Variants in MGAT4B observed in about 807,000 individuals in gnomAD.
MGAT4B encodes alpha-1,3-mannosyl-glycoprotein 4-beta-N-acetylglucosaminyltransferase B.
A neutral mutation model predicts 73.9 loss-of-function variants in MGAT4B; 38 were observed. That is an observed-to-expected ratio of 0.51 (90% confidence interval 0.40 to 0.67). The LOEUF is 0.67. Among genes scored for constraint, MGAT4B ranks in the 30% least tolerant of loss-of-function variants. The probability of loss-of-function intolerance (pLI) is 0.00; values close to 1 mark genes in which losing one functional copy is unlikely to be tolerated. For missense variants in MGAT4B, 686 were observed against 735.2 expected (o/e 0.93, Z 0.77); for synonymous variants, 373 against 313.5 (o/e 1.19, Z -2.01).
rs778612777 is a variant in MGAT4B, at chr5:179,800,995, C to A, written c.559-42G>T. ...CACCCTCCCTTAGCCCTGCTGCTGC[C>A]CCAAAAGGCCTGGAAGGGCTTGGAG... On this transcript the variant is annotated intron_variant, in intron 4 of 14. Transcript: ENST00000292591. 3 of 1,608,570 alleles carry A rather than the reference C, an allele frequency of 1.9e-6. No homozygotes were observed. In the South Asian group the frequency reaches 3.3e-5, roughly 18 times the overall value.
chr5:179,798,044 C>T lies in MGAT4B; in HGVS notation c.*1G>A. Reference sequence around the variant, plus strand: ...ACAGGGTACCCTCAGAAGCCCGCAGCTTAGTCGGCCTTTTTCAGGAAGATC... The same window carrying T: ...ACAGGGTACCCTCAGAAGCCCGCAGTTTAGTCGGCCTTTTTCAGGAAGATC... On this transcript the variant is annotated 3_prime_UTR_variant, in exon 15 of 15. Transcript: ENST00000292591. The T allele has an allele frequency of 6.2e-7, 1 of 1,608,434 alleles. No homozygotes were observed. Among genetic ancestry groups the T allele is most frequent in the Non-Finnish European group, 8.5e-7 (1 of 1,178,132 alleles).
Position 179,800,887 on chromosome 5 carries a change from C to G in MGAT4B, c.605+20G>C, listed in dbSNP as rs777066095. 8 of 1,612,970 alleles carry G rather than the reference C, an allele frequency of 5.0e-6. No homozygotes were observed. The highest frequency in any genetic ancestry group is 1.1e-5 in the South Asian group (1 of 91,076). On this transcript the variant is annotated intron_variant, in intron 5 of 14. Transcript: ENST00000292591. Reference sequence around the variant, plus strand: ...ACCGAGCTCTCCCGCCACCAGCTCTCTGGGGTCGCCAGTACTCACAAGGCC... The same window carrying G: ...ACCGAGCTCTCCCGCCACCAGCTCTGTGGGGTCGCCAGTACTCACAAGGCC...
In MGAT4B at chr5:179,799,055, T is replaced by C; in HGVS notation, c.1216A>G (p.Ser406Gly). 6.2e-7 allele frequency: 1 copy of C among 1,613,996 alleles called. No homozygotes were observed. The highest frequency in any genetic ancestry group is 8.5e-7 in the Non-Finnish European group (1 of 1,180,038). ...GTGAAGTGCTGGTATGTCTTCAGGC[T>C]CGTGCTCACCTCTGCTGGCGGGTTC... ...HVNPPAEVSTSLKTYQHFTLE... is the reference protein window; with the variant it reads ...HVNPPAEVSTGLKTYQHFTLE... Residue 406 changes from serine (S) to glycine (G), a missense_variant, in exon 11 of 15, where the codon AGC becomes GGC. Coordinates refer to ENST00000292591, the MANE Select transcript of MGAT4B (RefSeq NM_014275.5).
At chr5:179,799,435 G>T in intron 9 of MGAT4B, 71 bp downstream of exon 9, 1 of 1,610,048 alleles carries the variant, frequency 6.2e-7, no homozygotes, top group Non-Finnish European at 8.5e-7. Context: ...GCAAGGACAG[G>T]GACACAGTTT....
chr5:179,797,880 C>A lies in MGAT4B; in HGVS notation c.*165G>T. ...CCGGCGGGCGGGGGCAGCACCAGCT[C>A]CTAGGGCCTCCGGGCCAGCGGCGGA... is the stretch of plus-strand genomic sequence containing the variant. On this transcript the variant is annotated 3_prime_UTR_variant, in exon 15 of 15. Transcript: ENST00000292591. 1 of 1,000,668 alleles carries A rather than the reference C, an allele frequency of 1.0e-6. No individual in the cohort carries two copies. Among genetic ancestry groups the A allele is most frequent in the Non-Finnish European group, 1.5e-6 (1 of 688,068 alleles). 62.0% of individuals were successfully genotyped at this position (1,000,668 alleles called of 1,614,324 possible).
rs1362747108 is a variant in MGAT4B, at chr5:179,806,248, C to T, written c.97+239G>A. ...ACGGGTCCCCAGCTCAGCGTCGGGACAGCTGCGCCCGCGGAGTCCGGTCCG... is the reference window on the plus strand; with the variant it reads ...ACGGGTCCCCAGCTCAGCGTCGGGATAGCTGCGCCCGCGGAGTCCGGTCCG... On this transcript the variant is annotated intron_variant, in intron 1 of 14. Coordinates refer to ENST00000292591, the MANE Select transcript of MGAT4B (RefSeq NM_014275.5). The surrounding 1 kb of genome is among the most constrained non-coding windows in gnomAD (Gnocchi z 4.6). 1.2e-5 allele frequency: 2 copies of T among 172,098 alleles called. No homozygotes were observed. The highest frequency in any genetic ancestry group is 2.4e-5 in the Non-Finnish European group (2 of 81,848). 10.7% of individuals were successfully genotyped at this position (172,098 alleles called of 1,614,324 possible). A position where few individuals can be genotyped will look rare whatever the true frequency, so the allele number is the denominator to read the frequency against.
Position 179,797,900 on chromosome 5 carries a change from G to A in MGAT4B, c.*145C>T, listed in dbSNP as rs1756717650. 11 of 1,196,256 alleles carry A rather than the reference G, an allele frequency of 9.2e-6. No homozygotes were observed. The highest frequency in any genetic ancestry group is 2.8e-5 in the South Asian group (2 of 70,288). The allele number at this position is 1,196,256 out of a possible 1,614,324, so 74.1% of individuals were successfully genotyped here. ...CAGCTCCTAGGGCCTCCGGGCCAGC[G>A]GCGGACCCCAGGCCGGCCCAAGCCC... On this transcript the variant is annotated 3_prime_UTR_variant, in exon 15 of 15. Coordinates refer to ENST00000292591, the MANE Select transcript of MGAT4B (RefSeq NM_014275.5).
chr5:179,806,420 G>A lies in MGAT4B; in HGVS notation c.97+67C>T, dbSNP rs985766901. On this transcript the variant is annotated intron_variant, in intron 1 of 14. Transcript: ENST00000292591. The surrounding 1 kb of genome is among the most constrained non-coding windows in gnomAD (Gnocchi z 4.6). ...CTTCCGGCCGCCTTCCGCGGCCACC[G>A]CCGGGCCCGCTCCCGCCGCCGACGC... 19 of 1,031,532 alleles carry A rather than the reference G, an allele frequency of 1.8e-5. No homozygotes were observed. The highest frequency in any genetic ancestry group is 3.9e-5 in the South Asian group (1 of 25,444). The allele number at this position is 1,031,532 out of a possible 1,614,324, so 63.9% of individuals were successfully genotyped here. A position where few individuals can be genotyped will look rare whatever the true frequency, so the allele number is the denominator to read the frequency against.
intron 1 of MGAT4B, chr5:179,802,835 A>G (rs940343596): frequency 6.1e-6 from 6 of 985,550 alleles, no homozygotes; most frequent in Non-Finnish European, 6.0e-6. Flanking sequence ...CAGTCCACGC[A>G]GCAGGACGCT....
chr5:179,802,418 C>G, intron 1 of MGAT4B: 1 of 1,127,356 alleles, frequency 8.9e-7, no homozygotes, highest in Non-Finnish European at 1.1e-6. Context: ...TTGTAGCGGT[C>G]GCTGGTTGCT....
At chr5:179,804,290 A>C (rs944165820) in intron 1 of MGAT4B, among the ~76,000 whole-genome samples, 1 of 152,214 alleles carries the variant, frequency 6.6e-6, no homozygotes, top group African/African-American at 2.4e-5. Flanking sequence ...GTCACCATGC[A>C]TGTGTGTGGC....
rs1756724052 is a variant in MGAT4B, at chr5:179,798,019, A to T, written c.*26T>A. On this transcript the variant is annotated 3_prime_UTR_variant, in exon 15 of 15. Transcript: ENST00000292591. ...AGAAATGTGGGCTTCAGGGCTGGCCACAGGGTACCCTCAGAAGCCCGCAGC... is the reference window on the plus strand; with the variant it reads ...AGAAATGTGGGCTTCAGGGCTGGCCTCAGGGTACCCTCAGAAGCCCGCAGC... The T allele has an allele frequency of 1.2e-6, 2 of 1,602,150 alleles. No homozygotes were observed. Among genetic ancestry groups the T allele is most frequent in the African/African-American group, 2.7e-5 (2 of 74,744 alleles).
intron 1 of MGAT4B, chr5:179,803,322 G>A (rs1206589464): frequency 2.1e-6 from 2 of 953,180 alleles, no homozygotes; most frequent in African/African-American, 1.8e-5. Context: ...TCAGATTACT[G>A]GCTCTGCCAG....
At chr5:179,805,690 T>G (rs900964772) in intron 1 of MGAT4B, among the ~76,000 whole-genome samples, 1 of 152,216 alleles carries the variant, frequency 6.6e-6, no homozygotes, top group Non-Finnish European at 1.5e-5. Context: ...GAGGGGCAGC[T>G]GGACTCAGCC....
intron 5 of MGAT4B, 151 bp from the exon 6 acceptor site, chr5:179,800,748 G>A: frequency 3.0e-6 from 3 of 1,005,418 alleles, no homozygotes; most frequent in African/African-American, 1.6e-5. Flanking sequence ...AGCTCCAGAG[G>A]GGCTGGGCCA....
At chr5:179,802,547 GCT>G in intron 1 of MGAT4B, 1 of 1,000,594 alleles carries the variant, frequency 1.0e-6, no homozygotes, top group Non-Finnish European at 1.2e-6. Context: ...CGGCCCTGGG[GCT>G]GCTCAAGGAC....
At position 179,799,093 on chromosome 5, in the gene MGAT4B, C is replaced by T. The variant is rs752137181; in HGVS notation, c.1178G>A (p.Arg393Gln). Residue 393 changes from arginine to glutamine, a missense_variant, in exon 11 of 15, where the codon CGG (arginine) becomes CAG (glutamine). Coordinates refer to ENST00000292591, the MANE Select transcript of MGAT4B (RefSeq NM_014275.5). ...KDKDFGKQALRKEHVNPPAEV... is the reference protein window; with the variant it reads ...KDKDFGKQALQKEHVNPPAEV... ...TGCTGGCGGGTTCACATGCTCCTTC[C>T]GCAGCGCCTGCTTTCCAAAGTCTTT... 1.8e-5 allele frequency: 29 copies of T among 1,613,860 alleles called. No homozygotes were observed. The Admixed American group carries it at 3.2e-4, about 18-fold the overall frequency.
intron 11 of MGAT4B, 68 bp downstream of exon 11, chr5:179,798,860 G>C (rs944318936): frequency 1.5e-5 from 23 of 1,555,274 alleles, no homozygotes; most frequent in Non-Finnish European, 9.7e-6. Context: ...ATAACTTGCC[G>C]GTGAAGCCTA....
rs1248139592 is a variant in MGAT4B at position 179,801,990 on chromosome 5, G to A, written c.98-21C>T. ...GTCGCCTGCAGGTGGTAGGCAAGCCGTCACGAGGGGGCGGTCTAGAGCCAC... is the reference window on the plus strand; with the variant it reads ...GTCGCCTGCAGGTGGTAGGCAAGCCATCACGAGGGGGCGGTCTAGAGCCAC... On this transcript the variant is annotated intron_variant, in intron 1 of 14. Transcript: ENST00000292591. The surrounding 1 kb of genome is among the most constrained non-coding windows in gnomAD (Gnocchi z 4.8). The A allele has an allele frequency of 5.6e-6, 9 of 1,613,310 alleles. No homozygotes were observed. Among genetic ancestry groups the A allele is most frequent in the East Asian group, 2.2e-5 (1 of 44,878 alleles).
Sources: gnomAD v4.1 joint callset for allele counts (sites outside exome capture counted in the v4.1 genomes callset) on GRCh38, gnomAD v4.1.1 for gene constraint, Gnocchi (gnomAD v3.1) non-coding constraint, MANE v1.5 for transcripts, NCBI Gene and HGNC (gene_info 2026-07-23, HGNC 2026-07-21) for gene names.